Variants in PHLPP2 observed in about 807,000 individuals in gnomAD.
The protein encoded by PHLPP2 is PH domain leucine-rich repeat-containing protein phosphatase 2.
In PHLPP2, 66 loss-of-function variants were observed where a neutral mutation model predicts 124.9. That is an observed-to-expected ratio of 0.53 (90% CI 0.43 to 0.65). PHLPP2 has a LOEUF of 0.65. Among genes scored for constraint, PHLPP2 ranks in the 30% least tolerant of loss-of-function variants. PHLPP2 has a pLI of 0.00. For synonymous variants in PHLPP2, 681 were observed against 624.7 expected, an observed-to-expected ratio of 1.09 and a Z score of -1.34; for missense variants, 1,685 against 1,600.4, an observed-to-expected ratio of 1.05 and a Z score of -0.90.
intron 3 of PHLPP2, among the ~76,000 whole-genome samples, chr16:71,693,595 G>C (rs1255449528): frequency 1.3e-5 from 2 of 152,076 alleles, no homozygotes; most frequent in Non-Finnish European, 2.9e-5. Flanking sequence ...GGCTCACTTG[G>C]ATCCCATCAC....
At position 71,684,507 on chromosome 16, in the gene PHLPP2, T is replaced by C; in HGVS notation, c.704A>G (p.Glu235Gly). Residue 235 changes from glutamate to glycine, a missense_variant, in exon 5 of 19, where the codon GAG becomes GGG. By Grantham distance (98) the Glu-to-Gly change is moderately conservative. Coordinates refer to ENST00000568954, the MANE Select transcript of PHLPP2 (RefSeq NM_015020.3). ...TGCTTGCCGTTGCCATCGCTGGTAC[T>C]CGGCCAAAGTCTCGAAGCTGACATG... is the stretch of plus-strand genomic sequence containing the variant. ...TYHVSFETLA[E>G]YQRWQRQASK... 1 of 1,614,032 alleles carries C rather than the reference T, an allele frequency of 6.2e-7. No individual in the cohort carries two copies. Among genetic ancestry groups the C allele is most frequent in the Non-Finnish European group, 8.5e-7 (1 of 1,180,000 alleles).
intron 16 of PHLPP2, 65 bp from the exon 17 acceptor site, chr16:71,655,499 CA>C: frequency 9.0e-7 from 1 of 1,115,584 alleles, no homozygotes; most frequent in Non-Finnish European, 1.3e-6. Flanking sequence ...CTCCAGGGAG[CA>C]TTCTTTTTTT....
chr16:71,697,663 C>T (rs941359040), intron 3 of PHLPP2, among the ~76,000 whole-genome samples: 4 of 152,102 alleles, frequency 2.6e-5, no homozygotes, highest in Admixed American at 2.6e-4. Flanking sequence ...ACAATATGTG[C>T]AGAGAATGCA....
At chr16:71,705,330 A>G (rs2045265884) in intron 2 of PHLPP2, among the ~76,000 whole-genome samples, 1 of 152,184 alleles carries the variant, frequency 6.6e-6, no homozygotes, top group South Asian at 2.1e-4. Flanking sequence ...TTCAGGACCA[A>G]CAAACAATTA....
At chr16:71,719,885 C>A (rs372399956) in intron 1 of PHLPP2, among the ~76,000 whole-genome samples, 2 of 151,898 alleles carry the variant, frequency 1.3e-5, no homozygotes, top group East Asian at 3.9e-4. Flanking sequence ...GCAACCTCCA[C>A]CGCCCGGGTT....
At chr16:71,679,362 A>G in intron 7 of PHLPP2, 27 bp downstream of exon 7, 1 of 1,606,168 alleles carries the variant, frequency 6.2e-7, no homozygotes, top group Non-Finnish European at 8.5e-7. Context: ...TGCAAGGGAA[A>G]AGAGGAATCT....
intron 2 of PHLPP2, among the ~76,000 whole-genome samples, chr16:71,705,049 A>C (rs2145371808): frequency 6.6e-6 from 1 of 152,324 alleles, no homozygotes; most frequent in African/African-American, 2.4e-5. Context: ...ATTTAAGCTA[A>C]ACATGAGGAA....
chr16:71,665,045 C>T (rs1250340827), intron 12 of PHLPP2, among the ~76,000 whole-genome samples: 1 of 152,134 alleles, frequency 6.6e-6, no homozygotes, highest in Non-Finnish European at 1.5e-5. Context: ...CGAGGTGGCT[C>T]ACGCCTGTAA....
At chr16:71,712,074 T>A (rs527934426) in intron 2 of PHLPP2, among the ~76,000 whole-genome samples, 1 of 152,206 alleles carries the variant, frequency 6.6e-6, no homozygotes, top group Admixed American at 6.5e-5. Flanking sequence ...TCAATCTTCC[T>A]CATCTAAAAG....
At chr16:71,705,750 T>A (rs924440715) in intron 2 of PHLPP2, among the ~76,000 whole-genome samples, 1 of 152,220 alleles carries the variant, frequency 6.6e-6, no homozygotes, top group Non-Finnish European at 1.5e-5. Context: ...GACCTCATGA[T>A]CTGCCCGCCT....
intron 5 of PHLPP2, 98 bp from the exon 6 acceptor site, chr16:71,682,003 A>G: frequency 1.4e-6 from 1 of 729,482 alleles, no homozygotes; most frequent in Non-Finnish European, 1.9e-6. Context: ...ACGCTAATTA[A>G]AAAGATAGGA....
intron 2 of PHLPP2, among the ~76,000 whole-genome samples, chr16:71,708,801 G>T (rs1322299624): frequency 6.6e-6 from 1 of 151,572 alleles, no homozygotes; most frequent in Non-Finnish European, 1.5e-5. Context: ...CCAAAAAAAA[G>T]AAAAATCTAG....
At chr16:71,661,110 A>G (rs2044786175) in intron 13 of PHLPP2, among the ~76,000 whole-genome samples, 1 of 142,774 alleles carries the variant, frequency 7.0e-6, no homozygotes, top group South Asian at 2.2e-4. Context: ...TCTGTTGCCC[A>G]GGCTGCAGTG....
At chr16:71,692,877 G>A (rs2045129517) in intron 3 of PHLPP2, among the ~76,000 whole-genome samples, 1 of 151,894 alleles carries the variant, frequency 6.6e-6, no homozygotes, top group Admixed American at 6.6e-5. Context: ...ACGACTGACT[G>A]TATTCTAAAT....
chr16:71,677,026 G>A, intron 8 of PHLPP2: 1 of 235,386 alleles, frequency 4.2e-6, no homozygotes, highest in Non-Finnish European at 8.4e-6. Context: ...TTACAGGCAT[G>A]AGCCACCGTG....
At chr16:71,668,415 CAAAAAAA>C (rs34860764) in intron 11 of PHLPP2, among the ~76,000 whole-genome samples, 17 of 26,946 alleles carry the variant, frequency 6.3e-4, no homozygotes, top group African/African-American at 1.3e-3. Context: ...GACTCTGTCT[CAAAAAAA>C]AAAAAAAAAA....
At chr16:71,668,514 CACTTTGGGAGGCTGAGAT>C (rs2044860528) in intron 11 of PHLPP2, among the ~76,000 whole-genome samples, 1 of 147,542 alleles carries the variant, frequency 6.8e-6, no homozygotes. Context: ...GTAATCTCAA[CACTTTGGGAGGCTGAGAT>C]GGGCCCATTG....
chr16:71,684,907 C>T (rs983133582), intron 4 of PHLPP2, among the ~76,000 whole-genome samples: 4 of 152,044 alleles, frequency 2.6e-5, no homozygotes, highest in Admixed American at 1.3e-4. Context: ...CCTTACTGCA[C>T]GGAACTCTTA....
intron 12 of PHLPP2, among the ~76,000 whole-genome samples, chr16:71,664,365 T>C (rs1291467147): frequency 6.6e-6 from 1 of 152,198 alleles, no homozygotes; most frequent in Non-Finnish European, 1.5e-5. Flanking sequence ...CTAACCTAAC[T>C]TCATCTTTTA....
Sources: allele counts gnomAD v4.1 joint callset (sites outside exome capture counted in the v4.1 genomes callset), GRCh38; gene constraint gnomAD v4.1.1; transcripts MANE v1.5; gene names NCBI Gene and HGNC (gene_info 2026-07-23, HGNC 2026-07-21).